The following ADGRA3 variants were observed in gnomAD, a reference collection of about 807,000 sequenced individuals.
ADGRA3 encodes the protein adhesion G protein-coupled receptor A3.
A neutral mutation model predicts 119.8 loss-of-function variants in ADGRA3; 56 were observed. The ratio of observed to expected loss-of-function variants is 0.47; its 90% CI spans 0.38 to 0.58. The LOEUF (loss-of-function observed/expected upper bound fraction) is 0.58. Among genes scored for constraint, ADGRA3 ranks in the 20% least tolerant of loss-of-function variants. The pLI is 0.00. For synonymous variants in ADGRA3, 607 were observed against 623.8 expected (o/e 0.97, Z 0.40); for missense variants, 1,516 against 1,649.0 (o/e 0.92, Z 1.40).
intron 1 of ADGRA3, among the ~76,000 whole-genome samples, chr4:22,505,622 G>A (rs1360749966): frequency 1.3e-5 from 2 of 150,714 alleles, no homozygotes; most frequent in Non-Finnish European, 2.9e-5. Flanking sequence ...ACTCCAAGCT[G>A]GGCGACAGAG....
At chr4:22,444,556 G>A (rs942683555) in intron 6 of ADGRA3, among the ~76,000 whole-genome samples, 6 of 152,070 alleles carry the variant, frequency 3.9e-5, no homozygotes, top group African/African-American at 9.7e-5. Flanking sequence ...GAGCCACCGC[G>A]CCCTGCCTGT....
rs770590916 is a variant in ADGRA3, at chr4:22,515,515, G to C, written c.257+13C>G. The C allele has an allele frequency of 7.5e-6, 12 of 1,602,816 alleles. No individual in the cohort carries two copies. Among genetic ancestry groups the C allele is most frequent in the Non-Finnish European group, 1.0e-5 (12 of 1,174,574 alleles). On this transcript the variant is annotated intron_variant, in intron 1 of 18. Coordinates refer to ENST00000334304, the MANE Select transcript of ADGRA3 (RefSeq NM_145290.4). ...CGAGCGGGAGAGGACCCAGCGTCGC[G>C]GGAGATACTCACAGGGTGACCGTGC...
At chr4:22,426,732 A>C (rs73800949) in intron 10 of ADGRA3, among the ~76,000 whole-genome samples, 2,010 of 152,348 alleles carry the variant, frequency 0.013, 41 homozygotes, top group African/African-American at 0.045. Context: ...ACACATTCTC[A>C]AGGGGTACTT....
chr4:22,446,742 A>G (rs1252184300), intron 5 of ADGRA3, among the ~76,000 whole-genome samples: 1 of 152,208 alleles, frequency 6.6e-6, no homozygotes, highest in Non-Finnish European at 1.5e-5. Context: ...GAAGAAAGAC[A>G]CTCAATCCCA....
At chr4:22,498,321 G>T (rs1005561401) in intron 1 of ADGRA3, among the ~76,000 whole-genome samples, 1 of 151,452 alleles carries the variant, frequency 6.6e-6, no homozygotes, top group Non-Finnish European at 1.5e-5. Flanking sequence ...GACAAAAAAA[G>T]AAAACCAGTT....
chr4:22,484,195 T>C (rs1407966156), intron 1 of ADGRA3, among the ~76,000 whole-genome samples: 1 of 152,128 alleles, frequency 6.6e-6, no homozygotes, highest in African/African-American at 2.4e-5. Context: ...AATAAAGGGG[T>C]AAAATGCTAG....
At chr4:22,408,813 A>T (rs959460240) in intron 14 of ADGRA3, among the ~76,000 whole-genome samples, 3 of 152,210 alleles carry the variant, frequency 2.0e-5, no homozygotes, top group African/African-American at 7.2e-5. Context: ...TAAAACATAT[A>T]CATGAGTACT....
intron 2 of ADGRA3, among the ~76,000 whole-genome samples, chr4:22,462,456 G>T (rs1053707146): frequency 6.6e-6 from 1 of 152,094 alleles, no homozygotes; most frequent in African/African-American, 2.4e-5. Flanking sequence ...GAGGGTTACA[G>T]GCGCCTGTCA....
chr4:22,398,948 G>A (rs1294048731), intron 16 of ADGRA3, among the ~76,000 whole-genome samples: 2 of 152,162 alleles, frequency 1.3e-5, no homozygotes, highest in Non-Finnish European at 2.9e-5. Context: ...ACTATAGAAG[G>A]CAATGCCTCC....
chr4:22,387,938 T>C lies in ADGRA3; in HGVS notation c.3733A>G (p.Thr1245Ala). Residue 1245 changes from threonine to alanine, a missense_variant, in exon 19 of 19, where the codon ACA becomes GCA. This residue lies in a region of ADGRA3 where 1,088 missense variants were observed against 1,107.1 expected (regional missense o/e 0.98). Transcript: ENST00000334304. ...PQQDSSDACS[T>A]LPKSSRNFEK... is the part of the protein sequence containing the mutation. ...AAATTTCTGCTACTTTTGGGAAGTG[T>C]GCTACAAGCATCGCTGCTGTCTTGC... 6.2e-7 allele frequency: 1 copy of C among 1,614,154 alleles called. No homozygotes were observed. The highest frequency in any genetic ancestry group is 1.3e-5 in the African/African-American group (1 of 75,050).
At position 22,389,509 on chromosome 4, in the gene ADGRA3, T is replaced by G. The variant is rs537018641; in HGVS notation, c.2628-326A>C. 4.6e-5 allele frequency among the ~76,000 whole-genome samples: 7 copies of G among 152,190 alleles called. No homozygotes were observed. The East Asian group carries it at 1.3e-3, about 29-fold the overall frequency. ...CAGCTTACTTACTCTTACTTTTTTTTTTTTTTGTAGCAGGAACTGGCTTCT... is the reference window on the plus strand; with the variant it reads ...CAGCTTACTTACTCTTACTTTTTTTGTTTTTTGTAGCAGGAACTGGCTTCT... On this transcript the variant is annotated intron_variant, in intron 17 of 18. Transcript: ENST00000334304.
intron 4 of ADGRA3, among the ~76,000 whole-genome samples, chr4:22,451,937 A>G (rs559612060): frequency 6.6e-6 from 1 of 152,278 alleles, no homozygotes; most frequent in East Asian, 1.9e-4. Context: ...TATTCTCCAT[A>G]TCTGAAATAT....
chr4:22,504,719 T>C (rs1418635815), intron 1 of ADGRA3, among the ~76,000 whole-genome samples: 2 of 148,310 alleles, frequency 1.3e-5, no homozygotes, highest in Non-Finnish European at 3.0e-5. Flanking sequence ...CTCAACTGGC[T>C]CCTGTACTCT....
chr4:22,506,957 G>A (rs567762094), intron 1 of ADGRA3, among the ~76,000 whole-genome samples: 5 of 152,222 alleles, frequency 3.3e-5, no homozygotes, highest in Admixed American at 2.6e-4. Flanking sequence ...CTAATACTCG[G>A]CCAGGTGCAG....
intron 7 of ADGRA3, among the ~76,000 whole-genome samples, chr4:22,440,478 T>A (rs964801526): frequency 1.3e-5 from 2 of 152,148 alleles, no homozygotes; most frequent in African/African-American, 4.8e-5. Context: ...TTTATTATTC[T>A]GGGGCAAAAT....
At chr4:22,451,603 G>GT (rs563294520) in intron 4 of ADGRA3, among the ~76,000 whole-genome samples, 14 of 147,850 alleles carry the variant, frequency 9.5e-5, no homozygotes, top group African/African-American at 3.5e-4. Context: ...AGAAAGGGTT[G>GT]TTTTTTCTAA....
intron 3 of ADGRA3, 40 bp from the exon 4 acceptor site, chr4:22,454,977 T>C (rs1488791462): frequency 3.4e-6 from 5 of 1,457,514 alleles, no homozygotes; most frequent in Non-Finnish European, 4.8e-6. Flanking sequence ...ATTAGTTCTC[T>C]TGGTTAAAGA....
intron 11 of ADGRA3, 70 bp downstream of exon 11, chr4:22,424,121 A>G (rs1052505375): frequency 1.5e-6 from 2 of 1,345,518 alleles, no homozygotes; most frequent in African/African-American, 2.9e-5. Context: ...GAAGACACCT[A>G]TCTCTTTCGG....
intron 1 of ADGRA3, among the ~76,000 whole-genome samples, chr4:22,498,914 A>G (rs539637773): frequency 0.032 from 914 of 28,378 alleles, 18 homozygotes; most frequent in African/African-American, 0.12. Flanking sequence ...ACTCGTCTCA[A>G]AAAAAAAACA....
Sources: allele counts gnomAD v4.1 joint callset (sites outside exome capture counted in the v4.1 genomes callset), GRCh38; gene constraint gnomAD v4.1.1; regional missense constraint gnomAD v4.1.1; transcripts MANE v1.5; gene names NCBI Gene and HGNC (gene_info 2026-07-23, HGNC 2026-07-21).